The following SIPA1L3 variants were observed in gnomAD, a reference collection of about 807,000 sequenced individuals.
The protein encoded by SIPA1L3 is signal-induced proliferation-associated 1-like protein 3.
SIPA1L3 carries 59 observed loss-of-function variants against 150.1 expected under a neutral mutation model. The ratio of observed to expected loss-of-function variants is 0.39; its 90% CI spans 0.32 to 0.49. SIPA1L3 has a LOEUF of 0.49. Among genes scored for constraint, SIPA1L3 ranks in the 20% least tolerant of loss-of-function variants. The pLI is 0.86. For synonymous variants in SIPA1L3, 1,070 were observed against 1,077.6 expected (o/e 0.99, Z 0.14); for missense variants, 2,211 against 2,489.5 (o/e 0.89, Z 2.38).
At chr19:38,194,173 C>T (rs945643401) in intron 18 of SIPA1L3, among the ~76,000 whole-genome samples, 1 of 140,274 alleles carries the variant, frequency 7.1e-6, no homozygotes, top group African/African-American at 2.6e-5. Context: ...TATTTGCTTT[C>T]CTGACTGCTC....
In SIPA1L3 at chr19:38,105,484, T is replaced by G. The variant is rs1375918705; in HGVS notation, c.2030-1053T>G. On this transcript the variant is annotated intron_variant, in intron 6 of 21. Coordinates refer to ENST00000222345, the MANE Select transcript of SIPA1L3 (RefSeq NM_015073.3). Reference sequence around the variant, plus strand: ...CTCTCCATGCCTCAGTTTCCCACTCTGAAACATGGGCTCAGTAAGCAGGTT... The same window carrying G: ...CTCTCCATGCCTCAGTTTCCCACTCGGAAACATGGGCTCAGTAAGCAGGTT... Among the ~76,000 whole-genome samples, 3 of 152,318 alleles carry G rather than the reference T, an allele frequency of 2.0e-5. No homozygotes were observed. In the East Asian group the frequency reaches 5.8e-4, roughly 29 times the overall value.
intron 3 of SIPA1L3, among the ~76,000 whole-genome samples, chr19:38,084,879 A>G (rs1361945330): frequency 6.6e-6 from 1 of 152,010 alleles, no homozygotes; most frequent in Non-Finnish European, 1.5e-5. Context: ...ACCTCAGGTG[A>G]TCCACCCACC....
intron 6 of SIPA1L3, among the ~76,000 whole-genome samples, chr19:38,103,881 G>A (rs1225776139): frequency 1.3e-4 from 17 of 129,572 alleles, no homozygotes; most frequent in Non-Finnish European, 1.5e-5. Flanking sequence ...CAGCCTGGGC[G>A]ATACAGCGAG....
intron 1 of SIPA1L3, among the ~76,000 whole-genome samples, chr19:37,938,968 C>T (rs1041200509): frequency 1.3e-5 from 2 of 152,128 alleles, no homozygotes; most frequent in South Asian, 2.1e-4. Flanking sequence ...TCTTTATATA[C>T]TGTGGCTACT....
chr19:37,950,733 C>T (rs779041171), intron 1 of SIPA1L3, among the ~76,000 whole-genome samples: 1 of 152,242 alleles, frequency 6.6e-6, no homozygotes, highest in Non-Finnish European at 1.5e-5. Flanking sequence ...TGCGAGCCCT[C>T]CCAGGTCTGA....
intron 12 of SIPA1L3, among the ~76,000 whole-genome samples, chr19:38,147,747 G>A (rs773109940): frequency 2.0e-5 from 3 of 152,052 alleles, no homozygotes; most frequent in African/African-American, 7.2e-5. Context: ...TGATCTATAC[G>A]TATGATCTCA....
In SIPA1L3 at chr19:38,047,153, AG is replaced by A. The variant is rs1385540315; in HGVS notation, c.-311+17999del. On this transcript the variant is annotated intron_variant, in intron 2 of 21. Transcript: ENST00000222345. This position sits in a 1 kb window ranked among gnomAD's most constrained non-coding sequence, Gnocchi z 4.7. Reference sequence around the variant, plus strand: ...CACACAGGTAGGAAGTGGCAGAACCAGGATTTGAACCCAGACCATCTGGCTT... The same window carrying A: ...CACACAGGTAGGAAGTGGCAGAACCAGATTTGAACCCAGACCATCTGGCTT... Among the ~76,000 whole-genome samples, 2 of 152,198 alleles carry A rather than the reference AG, an allele frequency of 1.3e-5. No individual in the cohort carries two copies. The highest frequency in any genetic ancestry group is 2.9e-5 in the Non-Finnish European group (2 of 68,036).
chr19:37,929,644 A>G (rs909641223), intron 1 of SIPA1L3, among the ~76,000 whole-genome samples: 1 of 152,024 alleles, frequency 6.6e-6, no homozygotes, highest in Non-Finnish European at 1.5e-5. Context: ...GGTCTCACCC[A>G]TCTCTCTGCT....
chr19:38,091,650 C>T (rs942244116), intron 4 of SIPA1L3, among the ~76,000 whole-genome samples: 5 of 152,194 alleles, frequency 3.3e-5, no homozygotes, highest in Non-Finnish European at 7.3e-5. Flanking sequence ...TTCTGGCCGC[C>T]GCACTCGGCT....
chr19:38,031,130 T>A (rs1383378614), intron 2 of SIPA1L3, among the ~76,000 whole-genome samples: 30 of 152,282 alleles, frequency 2.0e-4, no homozygotes, highest in Non-Finnish European at 8.8e-5. Flanking sequence ...TCTTGATTAC[T>A]TTTATTTTGA....
At chr19:38,132,972 A>G (rs962870857) in intron 10 of SIPA1L3, among the ~76,000 whole-genome samples, 2 of 152,188 alleles carry the variant, frequency 1.3e-5, no homozygotes, top group Admixed American at 1.3e-4. Context: ...TATTTTGGAA[A>G]GAAACCAGGT....
intron 2 of SIPA1L3, among the ~76,000 whole-genome samples, chr19:38,057,208 TTG>T (rs1452270770): frequency 6.6e-6 from 1 of 151,820 alleles, no homozygotes; most frequent in Non-Finnish European, 1.5e-5. Flanking sequence ...GAAGCGGACG[TTG>T]CAGTGAGCTG....
chr19:38,126,398 G>A (rs1474836509), intron 9 of SIPA1L3, among the ~76,000 whole-genome samples: 1 of 152,148 alleles, frequency 6.6e-6, no homozygotes, highest in African/African-American at 2.4e-5. Flanking sequence ...CCAACCTGCA[G>A]CCCAAGAGGG....
In SIPA1L3 at chr19:38,082,474, G is replaced by A; in HGVS notation, c.909G>A (p.Arg303=). The change falls in exon 3 of 22, where the codon CGG becomes CGA. Residue 303 remains arginine (R), a synonymous_variant. Transcript: ENST00000222345. The stretch of plus-strand genomic sequence containing the variant: ...ACACGGTGGACTCGTCCATCTTTCG[G>A]AAGCTAAGGAGCAGCAAACCCGAGG... ...GGDTVDSSIF[R]KLRSSKPEGE... is the part of the protein sequence containing the mutation. The A allele has an allele frequency of 6.3e-7, 1 of 1,591,066 alleles. No individual in the cohort carries two copies. The highest frequency in any genetic ancestry group is 8.6e-7 in the Non-Finnish European group (1 of 1,168,574).
intron 1 of SIPA1L3, among the ~76,000 whole-genome samples, chr19:37,912,637 A>G (rs2046385879): frequency 6.6e-6 from 1 of 152,126 alleles, no homozygotes; most frequent in Admixed American, 6.6e-5. Context: ...CTGGGGCTAC[A>G]GGTGTGCACC....
chr19:38,074,544 G>T (rs1327116770), intron 2 of SIPA1L3, among the ~76,000 whole-genome samples: 1 of 152,222 alleles, frequency 6.6e-6, no homozygotes, highest in East Asian at 1.9e-4. Context: ...AGCTTGACCT[G>T]GGATCTGGTG....
At chr19:38,199,788 G>A (rs1168686082) in intron 19 of SIPA1L3, 1 of 152,156 alleles carries the variant, frequency 6.6e-6, no homozygotes, top group African/African-American at 2.4e-5. Context: ...TCACATAAGT[G>A]GAAAAGACTA....
chr19:38,143,077 C>T (rs924516894), intron 12 of SIPA1L3, among the ~76,000 whole-genome samples: 1 of 152,188 alleles, frequency 6.6e-6, no homozygotes, highest in African/African-American at 2.4e-5. Flanking sequence ...GGATTCAGTT[C>T]TGCCCACTTG....
chr19:38,125,392 C>T (rs968995759), intron 9 of SIPA1L3, among the ~76,000 whole-genome samples: 7 of 152,132 alleles, frequency 4.6e-5, no homozygotes, highest in African/African-American at 1.7e-4. Context: ...GACAGCAGCT[C>T]GCGTTTCTTG....
Sources: gnomAD v4.1 joint callset for allele counts (sites outside exome capture counted in the v4.1 genomes callset) on GRCh38, gnomAD v4.1.1 for gene constraint, Gnocchi (gnomAD v3.1) non-coding constraint, MANE v1.5 for transcripts, NCBI Gene and HGNC (gene_info 2026-07-23, HGNC 2026-07-21) for gene names.